CDK13: variants seen among roughly 807,000 people sequenced by gnomAD.
The protein encoded by CDK13 is cyclin-dependent kinase 13.
A neutral mutation model predicts 137.6 loss-of-function variants in CDK13; 40 were observed. The observed-to-expected ratio is 0.29, with a 90% CI of 0.23 to 0.38. CDK13 has a LOEUF of 0.38. Ranked by LOEUF, CDK13 falls within the 10% of genes least tolerant of loss-of-function variation. The probability of loss-of-function intolerance (pLI) is 1.00; values close to 1 mark genes in which losing one functional copy is unlikely to be tolerated. For synonymous variants in CDK13, 869 were observed against 760.1 expected, an observed-to-expected ratio of 1.14 and a Z score of -2.36; for missense variants, 1,704 against 1,951.8, an observed-to-expected ratio of 0.87 and a Z score of 2.39.
intron 5 of CDK13, among the ~76,000 whole-genome samples, chr7:40,027,082 G>A (rs1375564435): frequency 6.6e-6 from 1 of 152,170 alleles, no homozygotes; most frequent in Non-Finnish European, 1.5e-5. Context: ...AGTGGCTCAT[G>A]CTTGTAATCC....
chr7:39,971,939 T>C (rs1784008547), intron 1 of CDK13, among the ~76,000 whole-genome samples: 1 of 152,088 alleles, frequency 6.6e-6, no homozygotes, highest in Admixed American at 6.6e-5. Flanking sequence ...GTTAGAAAAA[T>C]TCTGTTGATA....
At chr7:40,034,758 G>GT (rs1785447928) in intron 5 of CDK13, among the ~76,000 whole-genome samples, 1 of 152,134 alleles carries the variant, frequency 6.6e-6, no homozygotes, top group Non-Finnish European at 1.5e-5. Context: ...CAGTGTATGA[G>GT]TTTCCTTTCT....
At chr7:40,009,586 G>GT (rs1473609118) in intron 5 of CDK13, among the ~76,000 whole-genome samples, 1 of 152,184 alleles carries the variant, frequency 6.6e-6, no homozygotes, top group Non-Finnish European at 1.5e-5. Context: ...GTCCTTAGGG[G>GT]TAAACATTTC....
At chr7:40,034,735 T>C (rs1342909829) in intron 5 of CDK13, among the ~76,000 whole-genome samples, 1 of 152,240 alleles carries the variant, frequency 6.6e-6, no homozygotes, top group Non-Finnish European at 1.5e-5. Context: ...CTGATTACTT[T>C]GCCCAAACAT....
intron 11 of CDK13, among the ~76,000 whole-genome samples, chr7:40,081,344 A>G: frequency 6.6e-6 from 1 of 152,190 alleles, no homozygotes; most frequent in East Asian, 1.9e-4. Flanking sequence ...TCAACATAGT[A>G]AATGCTGACA....
chr7:40,082,486 CAAAAAAAAAAAAA>C (rs70996879), intron 11 of CDK13, among the ~76,000 whole-genome samples: 3 of 74,792 alleles, frequency 4.0e-5, no homozygotes, highest in African/African-American at 6.4e-5. Context: ...ACTCCATTTC[CAAAAAAAAAAAAA>C]AAAAAAAAAA....
rs2116264298 is a variant in CDK13, at chr7:39,987,781, C to G, written c.1394C>G (p.Ala465Gly). The G allele has an allele frequency of 6.2e-7, 1 of 1,614,008 alleles. No individual in the cohort carries two copies. The highest frequency in any genetic ancestry group is 8.5e-7 in the Non-Finnish European group (1 of 1,179,998). ...KNKKARAAEA[A>G]RAAEAAKAAE... ...AAAAAAGCACGAGCAGCAGAGGCAG[C>G]AAGAGCCGCAGAAGCAGCGAAAGCT... The change falls in exon 2 of 14, where the codon GCA (alanine) becomes GGA (glycine). Residue 465 changes from alanine (A) to glycine (G), a missense_variant. Ala to Gly is a moderately conservative substitution (Grantham distance 60). This residue lies in a region of CDK13 where 1,051 missense variants were observed against 931.0 expected (regional missense o/e 1.13). Coordinates refer to ENST00000181839, the MANE Select transcript of CDK13 (RefSeq NM_003718.5).
At chr7:39,966,310 T>C (rs1477112450) in intron 1 of CDK13, among the ~76,000 whole-genome samples, 1 of 152,184 alleles carries the variant, frequency 6.6e-6, no homozygotes, top group Non-Finnish European at 1.5e-5. Flanking sequence ...GGAGGCTTTG[T>C]TCGTTTCTTT....
chr7:39,953,474 C>G (rs10227726), intron 1 of CDK13, among the ~76,000 whole-genome samples: 18,983 of 152,064 alleles, frequency 0.12, 1,567 homozygotes, highest in Middle Eastern at 0.18. Context: ...TTTTTAGTTG[C>G]TGGATACTTC....
intron 1 of CDK13, chr7:39,985,256 C>G (rs1412074646): frequency 1.3e-5 from 2 of 152,154 alleles, no homozygotes; most frequent in African/African-American, 2.4e-5. Context: ...TTTTACGTAA[C>G]ATGATGACCT....
At position 39,951,711 on chromosome 7, in the gene CDK13, G is replaced by T; in HGVS notation, c.1070G>T (p.Arg357Leu). 4 of 1,471,368 alleles carry T rather than the reference G, an allele frequency of 2.7e-6. No individual in the cohort carries two copies. Among genetic ancestry groups the T allele is most frequent in the Non-Finnish European group, 3.6e-6 (4 of 1,122,076 alleles). 91.1% of individuals were successfully genotyped at this position (1,471,368 alleles called of 1,614,324 possible). A position where few individuals can be genotyped will look rare whatever the true frequency, so the allele number is the denominator to read the frequency against. The change falls in exon 1 of 14, where the codon CGC becomes CTC. Residue 357 changes from arginine (R) to leucine (L), a missense_variant. Transcript: ENST00000181839. Reference sequence around the variant, plus strand: ...AGCCCCTATTCTCGGCGGCTGCCGCGCTCCCCGAGCCCCTACAGTCGCCGC... The same window carrying T: ...AGCCCCTATTCTCGGCGGCTGCCGCTCTCCCCGAGCCCCTACAGTCGCCGC... ...GSSPYSRRLP[R>L]SPSPYSRRRS...
intron 1 of CDK13, among the ~76,000 whole-genome samples, chr7:39,971,410 G>T (rs771361730): frequency 1.3e-5 from 2 of 151,990 alleles, no homozygotes; most frequent in African/African-American, 2.4e-5. Flanking sequence ...CCAGCTACTC[G>T]GAAGGCTGAA....
chr7:40,098,965 C>T lies in CDK13; in HGVS notation c.*3985C>T, dbSNP rs1787094479. 1.3e-5 allele frequency: 2 copies of T among 151,504 alleles called. No homozygotes were observed. Among genetic ancestry groups the T allele is most frequent in the Non-Finnish European group, 2.9e-5 (2 of 67,850 alleles). 9.4% of individuals were successfully genotyped at this position (151,504 alleles called of 1,614,324 possible). A position where few individuals can be genotyped will look rare whatever the true frequency, so the allele number is the denominator to read the frequency against. ...AAAGGCAAGTCCTGTATGTATTTTT[C>T]ATTTGTTGAAAGAAGATTGGTTATC... On this transcript the variant is annotated 3_prime_UTR_variant, in exon 14 of 14. Transcript: ENST00000181839.
intron 3 of CDK13, chr7:39,998,188 G>A (rs1060299): frequency 0.1 from 15,517 of 150,338 alleles, 2,654 homozygotes; most frequent in African/African-American, 0.36. Flanking sequence ...AGTTAAAGGC[G>A]GGGAACACTG....
intron 9 of CDK13, chr7:40,068,016 A>G (rs1346960018): frequency 6.7e-6 from 1 of 149,814 alleles, no homozygotes; most frequent in Non-Finnish European, 1.5e-5. Flanking sequence ...AATTGCTTGA[A>G]CCCAGAAGGC....
At chr7:40,002,229 A>G (rs1467976187) in intron 5 of CDK13, 198 bp downstream of exon 5, 2 of 411,414 alleles carry the variant, frequency 4.9e-6, no homozygotes, top group Non-Finnish European at 8.6e-6. Flanking sequence ...CGTAAAGGGT[A>G]TTTGCCAATA....
chr7:40,072,380 GCCT>G (rs1280104913), intron 9 of CDK13: 1 of 152,172 alleles, frequency 6.6e-6, no homozygotes, highest in African/African-American at 2.4e-5. Flanking sequence ...GCCCACCTTG[GCCT>G]CCCAAGTGCT....
rs1317446648 is a variant in CDK13 at position 39,951,736 on chromosome 7, C to T, written c.1095C>T (p.Arg365=). The part of the protein sequence containing the change: ...LPRSPSPYSR[R]RSPSYSRHSS... The stretch of plus-strand genomic sequence containing the variant: ...GCTCCCCGAGCCCCTACAGTCGCCG[C>T]CGCTCCCCCAGCTACAGCCGCCACA... The change falls in exon 1 of 14, where the codon CGC becomes CGT. Residue 365 remains arginine, a synonymous_variant. Transcript: ENST00000181839. The T allele has an allele frequency of 1.3e-6, 2 of 1,489,614 alleles. No homozygotes were observed. Among genetic ancestry groups the T allele is most frequent in the Non-Finnish European group, 1.8e-6 (2 of 1,130,682 alleles). The allele number at this position is 1,489,614 out of a possible 1,614,324, so 92.3% of individuals were successfully genotyped here.
At position 40,064,408 on chromosome 7, in the gene CDK13, TA is replaced by T. The variant is rs963153053; in HGVS notation, c.2780+1309del. Among the ~76,000 whole-genome samples, 9 of 152,094 alleles carry T rather than the reference TA, an allele frequency of 5.9e-5. No homozygotes were observed. In the East Asian group the frequency reaches 9.7e-4, roughly 16 times the overall value. On this transcript the variant is annotated intron_variant, in intron 9 of 13. Coordinates refer to ENST00000181839, the MANE Select transcript of CDK13 (RefSeq NM_003718.5). The stretch of plus-strand genomic sequence containing the variant: ...TGAAGTTTTTTAGGAAAGATATTGA[TA>T]GGGGGTACAGATTTACAGAATTTTA...
Sources: allele counts gnomAD v4.1 joint callset (sites outside exome capture counted in the v4.1 genomes callset), GRCh38; gene constraint gnomAD v4.1.1; regional missense constraint gnomAD v4.1.1; transcripts MANE v1.5; gene names NCBI Gene and HGNC (gene_info 2026-07-23, HGNC 2026-07-21).